The following PTPRD variants were observed in gnomAD, a reference collection of about 807,000 sequenced individuals.
PTPRD encodes receptor-type tyrosine-protein phosphatase delta.
PTPRD carries 34 observed loss-of-function variants against 214.5 expected under a neutral mutation model. The observed-to-expected ratio is 0.16, with a 90% CI of 0.12 to 0.21. The LOEUF (loss-of-function observed/expected upper bound fraction) is 0.21. PTPRD is among the 10% of genes least tolerant of loss of function. The probability of loss-of-function intolerance (pLI) is 1.00; values close to 1 mark genes in which losing one functional copy is unlikely to be tolerated. For synonymous variants in PTPRD, 1,128 were observed against 845.7 expected (o/e 1.33, Z -5.79); for missense variants, 2,545 against 2,398.7 (o/e 1.06, Z -1.27).
intron 2 of PTPRD, among the ~76,000 whole-genome samples, chr9:10,463,178 T>C (rs2098970532): frequency 6.6e-6 from 1 of 152,088 alleles, no homozygotes; most frequent in African/African-American, 2.4e-5. Flanking sequence ...CATATGCTTA[T>C]ATATTTCTGA....
At chr9:9,869,644 G>T (rs2064925505) in intron 5 of PTPRD, among the ~76,000 whole-genome samples, 1 of 151,944 alleles carries the variant, frequency 6.6e-6, no homozygotes, top group Non-Finnish European at 1.5e-5. Flanking sequence ...CAAAAATCTA[G>T]ATGTAATGAT....
At chr9:9,178,359 T>A (rs2099926202) in intron 10 of PTPRD, among the ~76,000 whole-genome samples, 6 of 151,838 alleles carry the variant, frequency 4.0e-5, no homozygotes, top group Admixed American at 3.9e-4. Context: ...TTTCCTCACT[T>A]CCTCCTTCCT....
intron 7 of PTPRD, among the ~76,000 whole-genome samples, chr9:9,627,733 G>A (rs2095468346): frequency 6.6e-6 from 1 of 152,186 alleles, no homozygotes; most frequent in Non-Finnish European, 1.5e-5. Context: ...AATATGTGAA[G>A]CCATTTGAGA....
At chr9:9,474,196 C>T (rs1295749003) in intron 8 of PTPRD, among the ~76,000 whole-genome samples, 4 of 151,964 alleles carry the variant, frequency 2.6e-5, no homozygotes, top group South Asian at 2.1e-4. Context: ...TTTTCCAGCA[C>T]CATTTATTGA....
At chr9:9,257,771 G>C (rs2099978355) in intron 9 of PTPRD, among the ~76,000 whole-genome samples, 1 of 151,966 alleles carries the variant, frequency 6.6e-6, no homozygotes, top group South Asian at 2.1e-4. Flanking sequence ...ATGACAAAAT[G>C]AGACCCTGTC....
At chr9:9,893,841 G>A (rs916453938) in intron 5 of PTPRD, among the ~76,000 whole-genome samples, 1 of 151,890 alleles carries the variant, frequency 6.6e-6, no homozygotes, top group African/African-American at 2.4e-5. Flanking sequence ...TTTTTTTAGA[G>A]ACAAGATCTT....
At chr9:9,713,539 C>T (rs1314537102) in intron 7 of PTPRD, among the ~76,000 whole-genome samples, 3 of 151,962 alleles carry the variant, frequency 2.0e-5, no homozygotes, top group Non-Finnish European at 4.4e-5. Context: ...GGGTTCAAAG[C>T]ATAAATGAAT....
chr9:9,080,356 G>C (rs1435864977), intron 10 of PTPRD, among the ~76,000 whole-genome samples: 1 of 151,990 alleles, frequency 6.6e-6, no homozygotes, highest in Non-Finnish European at 1.5e-5. Context: ...AAACGGTTGT[G>C]CTCAAAAAGG....
chr9:8,504,035 A>T (rs1022064965), intron 23 of PTPRD, among the ~76,000 whole-genome samples: 2 of 152,180 alleles, frequency 1.3e-5, no homozygotes, highest in Non-Finnish European at 2.9e-5. Flanking sequence ...ACCTTCTTTA[A>T]AAGTCTTTCA....
Position 9,536,907 on chromosome 9 carries a change from T to C in PTPRD, c.-237+37825A>G, listed in dbSNP as rs562683489. Among the ~76,000 whole-genome samples the C allele has an allele frequency of 2.0e-5, 3 of 152,036 alleles. No individual in the cohort carries two copies. In the East Asian group the frequency reaches 5.8e-4, roughly 30 times the overall value. ...TCCTTTTCAACGACAGTTATGGAAG[T>C]GAGTGGAAAGGGTAGTGTAGTGTAG... On this transcript the variant is annotated intron_variant, in intron 8 of 45. Transcript: ENST00000381196.
rs147181403 is a variant in PTPRD, at chr9:9,345,894, C to T, written c.-203+51555G>A. ...ACATAAAAGCATTATGAAAGTATTT[C>T]TATTATTTCTCTAAATAGTGGCTCT... On this transcript the variant is annotated intron_variant, in intron 9 of 45. Coordinates refer to ENST00000381196, the MANE Select transcript of PTPRD (RefSeq NM_002839.4). Among the ~76,000 whole-genome samples the T allele has an allele frequency of 4.6e-3, 694 of 152,242 alleles. 1 individual carries two copies. Among genetic ancestry groups the T allele is most frequent in the South Asian group, 8.3e-3 (40 of 4,828 alleles).
At position 9,533,166 on chromosome 9, in the gene PTPRD, G is replaced by A. The variant is rs2075849804; in HGVS notation, c.-237+41566C>T. ...CTTGATAGTGTGAGGGCTCCTTAAG[G>A]AGGGCATATGTTTTCTTCATTTCTT... On this transcript the variant is annotated intron_variant, in intron 8 of 45. Transcript: ENST00000381196. 3.9e-5 allele frequency among the ~76,000 whole-genome samples: 6 copies of A among 152,192 alleles called. No individual in the cohort carries two copies. The South Asian group carries it at 1.2e-3, about 32-fold the overall frequency.
intron 9 of PTPRD, among the ~76,000 whole-genome samples, chr9:9,393,557 T>C (rs1290996701): frequency 6.6e-6 from 1 of 152,130 alleles, no homozygotes; most frequent in Non-Finnish European, 1.5e-5. Flanking sequence ...AATAACTGCA[T>C]AGTCAATCCA....
intron 7 of PTPRD, among the ~76,000 whole-genome samples, chr9:9,693,959 A>C (rs368776060): frequency 6.6e-6 from 1 of 152,208 alleles, no homozygotes; most frequent in African/African-American, 2.4e-5. Flanking sequence ...TAAATATCTC[A>C]ATCTCTGTTA....
chr9:10,307,252 C>T (rs1350030039), intron 3 of PTPRD, among the ~76,000 whole-genome samples: 1 of 152,000 alleles, frequency 6.6e-6, no homozygotes, highest in African/African-American at 2.4e-5. Context: ...AAATCCTTCC[C>T]GGGATGTAAC....
At chr9:9,648,408 T>A (rs141384026) in intron 7 of PTPRD, among the ~76,000 whole-genome samples, 1 of 152,196 alleles carries the variant, frequency 6.6e-6, no homozygotes, top group Non-Finnish European at 1.5e-5. Flanking sequence ...TAAAGTATGG[T>A]CATAACGTTC....
intron 9 of PTPRD, among the ~76,000 whole-genome samples, chr9:9,299,364 G>A (rs1431487061): frequency 6.6e-6 from 1 of 151,622 alleles, no homozygotes; most frequent in Non-Finnish European, 1.5e-5. Flanking sequence ...GGCTGCTACT[G>A]GCATCTGGTG....
intron 34 of PTPRD, among the ~76,000 whole-genome samples, chr9:8,446,461 A>G (rs1368847908): frequency 6.6e-6 from 1 of 152,206 alleles, no homozygotes; most frequent in Non-Finnish European, 1.5e-5. Context: ...TCAAATCGTA[A>G]TGTTTGTTTG....
chr9:9,660,503 T>C (rs1016706725), intron 7 of PTPRD, among the ~76,000 whole-genome samples: 1 of 152,000 alleles, frequency 6.6e-6, no homozygotes, highest in Non-Finnish European at 1.5e-5. Flanking sequence ...TAGATGTGGG[T>C]TATACTTGGG....
Sources: allele counts gnomAD v4.1 joint callset (sites outside exome capture counted in the v4.1 genomes callset), GRCh38; gene constraint gnomAD v4.1.1; transcripts MANE v1.5; gene names NCBI Gene and HGNC (gene_info 2026-07-23, HGNC 2026-07-21).